The following SEMA3A variants were observed in gnomAD, a reference collection of about 807,000 sequenced individuals.
SEMA3A encodes semaphorin-3A.
Under a neutral mutation model 97.9 loss-of-function variants are expected in SEMA3A, and 29 were observed. That is an observed-to-expected ratio of 0.30 (90% confidence interval 0.22 to 0.40). The LOEUF is 0.40. Among genes scored for constraint, SEMA3A ranks in the 10% least tolerant of loss-of-function variants. The pLI is 1.00. For synonymous variants in SEMA3A, 321 were observed against 323.7 expected (o/e 0.99, Z 0.09); for missense variants, 763 against 951.3 (o/e 0.80, Z 2.60).
At position 84,015,405 on chromosome 7, in the gene SEMA3A, C is replaced by T. The variant is rs1301181480; in HGVS notation, c.668-1054G>A. The stretch of plus-strand genomic sequence containing the variant: ...GAATGTATATCAGCAATATTTAGAG[C>T]TCCACTTCAAACAGTATTTTTGAAC... On this transcript the variant is annotated intron_variant, in intron 6 of 16. Coordinates refer to ENST00000265362, the MANE Select transcript of SEMA3A (RefSeq NM_006080.3). Among the ~76,000 whole-genome samples the T allele has an allele frequency of 2.0e-5, 3 of 152,214 alleles. No individual in the cohort carries two copies. In the East Asian group the frequency reaches 5.8e-4, roughly 29 times the overall value.
intron 3 of SEMA3A, among the ~76,000 whole-genome samples, chr7:84,213,079 G>A (rs1798668730): frequency 6.6e-6 from 1 of 152,236 alleles, no homozygotes; most frequent in South Asian, 2.1e-4. Context: ...CAGGGTTCAA[G>A]CGATTCTCCT....
intron 2 of SEMA3A, among the ~76,000 whole-genome samples, chr7:84,131,818 G>A (rs1423484751): frequency 1.3e-5 from 2 of 151,330 alleles, no homozygotes; most frequent in African/African-American, 4.9e-5. Context: ...TTTGCGACAA[G>A]GTCTCACTCT....
rs372904644 is a variant in SEMA3A, at chr7:84,163,602, C to T, written c.113-28651G>A. Among the ~76,000 whole-genome samples the T allele has an allele frequency of 4.6e-5, 7 of 151,710 alleles. No individual in the cohort carries two copies. The East Asian group carries it at 5.8e-4, about 13-fold the overall frequency. ...GACATTGGAAGAAAGCAGTATCCCTCGATATATTGTTTTATATGTATTTTT... is the reference window on the plus strand; with the variant it reads ...GACATTGGAAGAAAGCAGTATCCCTTGATATATTGTTTTATATGTATTTTT... On this transcript the variant is annotated intron_variant, in intron 1 of 16. Coordinates refer to ENST00000265362, the MANE Select transcript of SEMA3A (RefSeq NM_006080.3).
intron 14 of SEMA3A, among the ~76,000 whole-genome samples, chr7:83,978,341 G>A (rs1375143876): frequency 6.6e-6 from 1 of 152,196 alleles, no homozygotes. Flanking sequence ...CATGTGAGCT[G>A]CAGCACGTTG....
chr7:84,082,509 T>C (rs183438861), intron 4 of SEMA3A, among the ~76,000 whole-genome samples: 43 of 152,242 alleles, frequency 2.8e-4, no homozygotes, highest in African/African-American at 1.0e-3. Flanking sequence ...TCTTTATTAC[T>C]AAATAAAACA....
intron 3 of SEMA3A, among the ~76,000 whole-genome samples, chr7:84,209,942 A>G (rs147863122): frequency 8.0e-4 from 122 of 152,310 alleles, no homozygotes; most frequent in African/African-American, 2.9e-3. Flanking sequence ...GGTGTCTACC[A>G]TTCTTATTAT....
At chr7:84,431,818 A>T (rs992943993) in intron 1 of SEMA3A, among the ~76,000 whole-genome samples, 1 of 152,054 alleles carries the variant, frequency 6.6e-6, no homozygotes, top group Non-Finnish European at 1.5e-5. Context: ...CCCTGCCTTC[A>T]AAGAGTTTAC....
At chr7:83,982,512 T>C (rs766253385) in intron 13 of SEMA3A, among the ~76,000 whole-genome samples, 4 of 152,216 alleles carry the variant, frequency 2.6e-5, no homozygotes, top group Non-Finnish European at 4.4e-5. Context: ...TTTACTGTTA[T>C]TGGCACCATA....
chr7:84,045,047 C>T (rs967834126), intron 6 of SEMA3A, among the ~76,000 whole-genome samples: 7 of 151,936 alleles, frequency 4.6e-5, no homozygotes, highest in African/African-American at 1.4e-4. Context: ...TGAGTAGTCA[C>T]TTTGAAGTAT....
At chr7:84,264,546 T>A (rs1219430648) in intron 3 of SEMA3A, among the ~76,000 whole-genome samples, 2 of 152,188 alleles carry the variant, frequency 1.3e-5, no homozygotes, top group African/African-American at 4.8e-5. Flanking sequence ...CAATTGTGGA[T>A]CCATGTGGTT....
chr7:84,158,879 A>AT, intron 1 of SEMA3A, among the ~76,000 whole-genome samples: 1 of 149,942 alleles, frequency 6.7e-6, no homozygotes, highest in South Asian at 2.1e-4. Context: ...AAATTTGTAG[A>AT]TTTTCTTTAA....
At chr7:84,467,739 C>A (rs566032078) in intron 1 of SEMA3A, among the ~76,000 whole-genome samples, 13 of 152,086 alleles carry the variant, frequency 8.5e-5, no homozygotes, top group Admixed American at 3.9e-4. Flanking sequence ...TGCCTTCACA[C>A]AGACCATTTT....
At chr7:84,411,240 T>C (rs967404069) in intron 1 of SEMA3A, among the ~76,000 whole-genome samples, 2 of 152,154 alleles carry the variant, frequency 1.3e-5, no homozygotes, top group Non-Finnish European at 2.9e-5. Flanking sequence ...GGATTTTTTA[T>C]AATATTGCAA....
chr7:84,021,144 T>G (rs531816204), intron 6 of SEMA3A, among the ~76,000 whole-genome samples: 1 of 152,304 alleles, frequency 6.6e-6, no homozygotes, highest in African/African-American at 2.4e-5. Context: ...GTGTTGCTAA[T>G]ATGCATTAAC....
chr7:84,023,904 C>A (rs1791432662), intron 6 of SEMA3A, among the ~76,000 whole-genome samples: 1 of 150,584 alleles, frequency 6.6e-6, no homozygotes, highest in Non-Finnish European at 1.5e-5. Flanking sequence ...CCCAGCTACT[C>A]GGGAGGCTGA....
intron 1 of SEMA3A, among the ~76,000 whole-genome samples, chr7:84,441,140 A>T (rs996467308): frequency 6.6e-6 from 1 of 152,084 alleles, no homozygotes; most frequent in African/African-American, 2.4e-5. Context: ...CCTGAGCAAC[A>T]AGAGCAAAAC....
At chr7:84,394,160 GAAATA>G (rs933584526) in intron 1 of SEMA3A, among the ~76,000 whole-genome samples, 2 of 121,632 alleles carry the variant, frequency 1.6e-5, no homozygotes, top group African/African-American at 7.0e-5. Flanking sequence ...TAAAGAATTA[GAAATA>G]AAATAGGTAT....
intron 10 of SEMA3A, 32 bp downstream of exon 10, chr7:84,007,321 C>G: frequency 1.9e-6 from 3 of 1,539,974 alleles, no homozygotes; most frequent in Non-Finnish European, 2.6e-6. Flanking sequence ...GAAATATATT[C>G]ATTTCATATT....
At chr7:84,135,809 G>A (rs1001000590) in intron 1 of SEMA3A, among the ~76,000 whole-genome samples, 1 of 152,068 alleles carries the variant, frequency 6.6e-6, no homozygotes, top group Non-Finnish European at 1.5e-5. Context: ...GATATATAGA[G>A]AGAAACTGAG....
Sources: gnomAD v4.1 joint callset for allele counts (sites outside exome capture counted in the v4.1 genomes callset) on GRCh38, gnomAD v4.1.1 for gene constraint, MANE v1.5 for transcripts, NCBI Gene and HGNC (gene_info 2026-07-23, HGNC 2026-07-21) for gene names.